CTNNA2: variants seen among roughly 807,000 people sequenced by gnomAD.
The protein encoded by CTNNA2 is catenin alpha-2.
In CTNNA2, 42 loss-of-function variants were observed where a neutral mutation model predicts 101.0. The observed-to-expected ratio is 0.42, with a 90% CI of 0.32 to 0.54. The LOEUF is 0.54. Among genes scored for constraint, CTNNA2 ranks in the 20% least tolerant of loss-of-function variants. The pLI, the probability that CTNNA2 is intolerant of heterozygous loss-of-function variation, is 0.14. For missense variants in CTNNA2, 871 were observed against 1,223.1 expected (o/e 0.71, Z 4.29); for synonymous variants, 450 against 456.4 (o/e 0.99, Z 0.18).
intron 1 of CTNNA2, among the ~76,000 whole-genome samples, chr2:79,580,371 A>C (rs975006911): frequency 2.0e-5 from 3 of 152,176 alleles, no homozygotes; most frequent in African/African-American, 7.2e-5. Flanking sequence ...CAAAGAATGC[A>C]GTGGTGGAAG....
chr2:79,627,398 G>T (rs1292523578), intron 1 of CTNNA2, among the ~76,000 whole-genome samples: 1 of 152,214 alleles, frequency 6.6e-6, no homozygotes, highest in Non-Finnish European at 1.5e-5. Flanking sequence ...TTTAAGGGAA[G>T]TTTGTGGGTT....
At chr2:79,530,933 C>G (rs1336195766) in intron 1 of CTNNA2, among the ~76,000 whole-genome samples, 1 of 151,788 alleles carries the variant, frequency 6.6e-6, no homozygotes, top group Non-Finnish European at 1.5e-5. Flanking sequence ...AGAAATGGGT[C>G]TTAGAATTTT....
At chr2:79,873,904 T>A (rs1376828428) in intron 5 of CTNNA2, among the ~76,000 whole-genome samples, 172 bp from the exon 6 acceptor site, 1 of 152,108 alleles carries the variant, frequency 6.6e-6, no homozygotes, top group Admixed American at 6.5e-5. Context: ...TAGCTGTCTC[T>A]ATAAAACAGA....
At chr2:79,897,267 G>C (rs1684780547) in intron 6 of CTNNA2, among the ~76,000 whole-genome samples, 1 of 151,300 alleles carries the variant, frequency 6.6e-6, no homozygotes, top group Non-Finnish European at 1.5e-5. Flanking sequence ...GAAGGTTTGA[G>C]GCCAGTGGGG....
At chr2:79,978,271 G>A (rs1022060016) in intron 7 of CTNNA2, among the ~76,000 whole-genome samples, 1 of 152,236 alleles carries the variant, frequency 6.6e-6, no homozygotes, top group Middle Eastern at 3.4e-3. Flanking sequence ...GGGAGAAGGA[G>A]CTCTGCCACA....
At position 80,065,496 on chromosome 2, in the gene CTNNA2, G is replaced by A. The variant is rs1697922067; in HGVS notation, c.1056+155699G>A. Among the ~76,000 whole-genome samples, 5 of 152,062 alleles carry A rather than the reference G, an allele frequency of 3.3e-5. No homozygotes were observed. The South Asian group carries it at 8.3e-4, about 25-fold the overall frequency. On this transcript the variant is annotated intron_variant, in intron 7 of 18. Transcript: ENST00000402739. ...AGCCTCCCTAGTAGCTGGGATTACA[G>A]GTGCGTGCCACAACACCTAGCTAAT...
At chr2:79,769,747 C>G (rs1673436956) in intron 3 of CTNNA2, among the ~76,000 whole-genome samples, 3 of 152,156 alleles carry the variant, frequency 2.0e-5, no homozygotes, top group African/African-American at 7.2e-5. Context: ...AAATATTCTT[C>G]TGATTAGGAG....
chr2:80,143,597 C>T (rs1298912808), intron 7 of CTNNA2, among the ~76,000 whole-genome samples: 2 of 152,086 alleles, frequency 1.3e-5, no homozygotes, highest in African/African-American at 4.8e-5. Flanking sequence ...ATGGACCCTC[C>T]CCAAGAATGA....
intron 7 of CTNNA2, among the ~76,000 whole-genome samples, chr2:80,295,159 T>A (rs1293888817): frequency 6.6e-6 from 1 of 152,068 alleles, no homozygotes; most frequent in Non-Finnish European, 1.5e-5. Context: ...TAGAAAGGTC[T>A]CTCAATTCCT....
intron 7 of CTNNA2, among the ~76,000 whole-genome samples, chr2:80,337,036 T>G (rs1671812552): frequency 6.6e-6 from 1 of 152,144 alleles, no homozygotes; most frequent in Non-Finnish European, 1.5e-5. Flanking sequence ...CTGGAAATGT[T>G]CAACTGGGTG....
intron 7 of CTNNA2, among the ~76,000 whole-genome samples, chr2:80,271,000 G>T (rs1450072188): frequency 6.6e-6 from 1 of 151,978 alleles, no homozygotes; most frequent in Admixed American, 6.6e-5. Flanking sequence ...ATCATATAAG[G>T]TCCCCACCCC....
intron 1 of CTNNA2, among the ~76,000 whole-genome samples, chr2:79,572,871 A>T (rs1335315604): frequency 6.6e-6 from 1 of 152,160 alleles, no homozygotes; most frequent in Non-Finnish European, 1.5e-5. Context: ...TTAATTTTAA[A>T]TTTCTTTTTT....
intron 1 of CTNNA2, among the ~76,000 whole-genome samples, chr2:79,536,676 A>G (rs1309359086): frequency 2.0e-5 from 2 of 101,690 alleles, no homozygotes; most frequent in Admixed American, 9.5e-5. Flanking sequence ...CACTTTCACC[A>G]TGGATTTTTT....
intron 1 of CTNNA2, among the ~76,000 whole-genome samples, chr2:79,635,986 G>A (rs1354964886): frequency 6.6e-6 from 1 of 151,048 alleles, no homozygotes; most frequent in African/African-American, 2.4e-5. Context: ...GGGGGGCCGG[G>A]TGCGGTGGCT....
intron 2 of CTNNA2, among the ~76,000 whole-genome samples, chr2:79,693,309 T>TA (rs1684441769): frequency 6.6e-6 from 1 of 151,878 alleles, no homozygotes; most frequent in African/African-American, 2.4e-5. Context: ...TAAGATTTTT[T>TA]ATAACATTTT....
intron 7 of CTNNA2, among the ~76,000 whole-genome samples, chr2:80,381,859 T>C (rs1307236198): frequency 6.6e-6 from 1 of 152,168 alleles, no homozygotes; most frequent in Non-Finnish European, 1.5e-5. Context: ...CTCTTTCAGT[T>C]CCTACTGTTT....
At chr2:80,234,111 A>T (rs535957508) in intron 7 of CTNNA2, among the ~76,000 whole-genome samples, 19 of 151,812 alleles carry the variant, frequency 1.3e-4, no homozygotes, top group African/African-American at 4.1e-4. Flanking sequence ...CAGTGGCACC[A>T]TCTTGGCTCA....
chr2:79,541,222 ATG>A (rs1287893813), intron 1 of CTNNA2, among the ~76,000 whole-genome samples: 3 of 143,610 alleles, frequency 2.1e-5, no homozygotes, highest in African/African-American at 2.5e-5. Context: ...ATATATATAT[ATG>A]TACACACACA....
intron 8 of CTNNA2, 149 bp downstream of exon 8, chr2:80,393,440 C>T: frequency 5.0e-6 from 3 of 602,274 alleles, no homozygotes; most frequent in South Asian, 5.0e-5. Flanking sequence ...ATTTTATCGG[C>T]AAGGTAGAGA....
Sources: gnomAD v4.1 joint callset for allele counts (sites outside exome capture counted in the v4.1 genomes callset) on GRCh38, gnomAD v4.1.1 for gene constraint, MANE v1.5 for transcripts, NCBI Gene and HGNC (gene_info 2026-07-23, HGNC 2026-07-21) for gene names.